The following ADCK1 variants were observed in gnomAD, a reference collection of about 807,000 sequenced individuals.
ADCK1 encodes aarF domain-containing protein kinase 1.
Under a neutral mutation model 52.3 loss-of-function variants are expected in ADCK1, and 41 were observed. The ratio of observed to expected loss-of-function variants is 0.78; its 90% CI spans 0.61 to 1.02. The LOEUF (loss-of-function observed/expected upper bound fraction) is 1.02, where lower values mean the gene tolerates loss of function less well. Among genes scored for constraint, ADCK1 ranks in the 50% least tolerant of loss-of-function variants. ADCK1 has a pLI of 0.00. For missense variants in ADCK1, 658 were observed against 679.5 expected (o/e 0.97, Z 0.35); for synonymous variants, 250 against 274.6 (o/e 0.91, Z 0.89).
chr14:77,820,639 CGTGTGTGTGTGTGTGTGT>C (rs10549011), intron 2 of ADCK1, among the ~76,000 whole-genome samples: 4 of 148,822 alleles, frequency 2.7e-5, no homozygotes, highest in Non-Finnish European at 4.5e-5. Flanking sequence ...GCCAATTTTA[CGTGTGTGTGTGTGTGTGT>C]GTGTGTGTGT....
intron 5 of ADCK1, among the ~76,000 whole-genome samples, chr14:77,898,229 A>G (rs2083453012): frequency 1.3e-5 from 2 of 152,356 alleles, no homozygotes; most frequent in South Asian, 4.1e-4. Context: ...ACGCCACTGC[A>G]TTCCAGTCTG....
intron 9 of ADCK1, among the ~76,000 whole-genome samples, chr14:77,930,858 G>A (rs111426273): frequency 0.028 from 4,219 of 152,224 alleles, 76 homozygotes; most frequent in African/African-American, 0.045. Context: ...TTTGCTGGGG[G>A]CATTTATCTG....
chr14:77,845,074 A>G (rs1001374667), intron 3 of ADCK1, among the ~76,000 whole-genome samples: 1 of 152,264 alleles, frequency 6.6e-6, no homozygotes, highest in African/African-American at 2.4e-5. Flanking sequence ...TGATTTGTTC[A>G]GGATTGCATA....
At chr14:77,852,681 A>ATATATATATTATATATATATATAT (rs2082320738) in intron 3 of ADCK1, among the ~76,000 whole-genome samples, 18 of 80,974 alleles carry the variant, frequency 2.2e-4, no homozygotes, top group Admixed American at 8.9e-4. Flanking sequence ...ATATATATAT[A>ATATATATATTATATATATATATAT]TATATATATA....
intron 7 of ADCK1, among the ~76,000 whole-genome samples, chr14:77,912,742 A>C (rs2083824064): frequency 6.6e-6 from 1 of 152,090 alleles, no homozygotes; most frequent in African/African-American, 2.4e-5. Context: ...TGGCTGTAGA[A>C]GGGACCCCTC....
chr14:77,803,518 C>T (rs1038181793), intron 1 of ADCK1, among the ~76,000 whole-genome samples: 6 of 152,156 alleles, frequency 3.9e-5, no homozygotes, highest in Admixed American at 6.5e-5. Flanking sequence ...CCCATTTGTA[C>T]GTCCCAGACT....
chr14:77,859,270 G>A lies in ADCK1; in HGVS notation c.414G>A (p.Leu138=). 1.9e-6 allele frequency: 3 copies of A among 1,613,336 alleles called. No homozygotes were observed. The highest frequency in any genetic ancestry group is 2.5e-6 in the Non-Finnish European group (3 of 1,179,716). ...QEIRQVIRED[L]GKEIHDLFQS... The stretch of plus-strand genomic sequence containing the variant: ...TCCGCCAGGTCATCCGAGAAGATCT[G>A]GGCAAGGAGGTACCCACCTTTGCAG... The change falls in exon 4 of 11, where the codon CTG becomes CTA. Residue 138 remains leucine, a synonymous_variant. Coordinates refer to ENST00000238561, the MANE Select transcript of ADCK1 (RefSeq NM_020421.4).
At chr14:77,904,120 G>A (rs574383651) in intron 6 of ADCK1, among the ~76,000 whole-genome samples, 115 of 152,224 alleles carry the variant, frequency 7.6e-4, no homozygotes, top group African/African-American at 2.6e-3. Context: ...CCAGTGAACC[G>A]TCTAGAGCAT....
At chr14:77,911,673 G>A (rs1203167380) in intron 7 of ADCK1, among the ~76,000 whole-genome samples, 1 of 152,010 alleles carries the variant, frequency 6.6e-6, no homozygotes, top group Non-Finnish European at 1.5e-5. Flanking sequence ...ATGATAGTGA[G>A]ATGAATGTTG....
At chr14:77,842,892 C>CTTTCT (rs2082104850) in intron 3 of ADCK1, among the ~76,000 whole-genome samples, 1 of 122,660 alleles carries the variant, frequency 8.2e-6, no homozygotes, top group African/African-American at 2.9e-5. Context: ...TTCTTTCTTT[C>CTTTCT]TTTTTTTTTT....
Position 77,899,141 on chromosome 14 carries a change from G to A in ADCK1, c.624G>A (p.Glu208=), listed in dbSNP as rs2083474181. 4 of 1,614,198 alleles carry A rather than the reference G, an allele frequency of 2.5e-6. No homozygotes were observed. The highest frequency in any genetic ancestry group is 3.4e-6 in the Non-Finnish European group (4 of 1,180,040). ...LAVKQLFPEF[E]FMWLVDEAKK... ...TGAAGCAGCTGTTCCCAGAGTTTGA[G>A]TTTATGTGGCTTGTGGATGAAGCCA... The change falls in exon 6 of 11, where the codon GAG becomes GAA. Residue 208 remains glutamate (E), a synonymous_variant. Transcript: ENST00000238561.
chr14:77,825,092 A>T (rs925467358), intron 3 of ADCK1, among the ~76,000 whole-genome samples: 1 of 152,178 alleles, frequency 6.6e-6, no homozygotes, highest in African/African-American at 2.4e-5. Flanking sequence ...TCTTCCAGAG[A>T]TGTCTTCCTA....
chr14:77,817,407 G>A lies in ADCK1; in HGVS notation c.-11-1561G>A, dbSNP rs1451440156. On this transcript the variant is annotated intron_variant, in intron 1 of 10. Coordinates refer to ENST00000238561, the MANE Select transcript of ADCK1 (RefSeq NM_020421.4). Reference sequence around the variant, plus strand: ...CCTGCAAGTGGCTTGGTGGCGTGCTGCTGCTCTCGTGTGGCACTTCTCTCC... The same window carrying A: ...CCTGCAAGTGGCTTGGTGGCGTGCTACTGCTCTCGTGTGGCACTTCTCTCC... Among the ~76,000 whole-genome samples the A allele has an allele frequency of 2.0e-5, 3 of 152,306 alleles. No homozygotes were observed. The East Asian group carries it at 5.8e-4, about 29-fold the overall frequency.
chr14:77,872,804 A>G (rs2082813250), intron 4 of ADCK1, among the ~76,000 whole-genome samples: 1 of 151,626 alleles, frequency 6.6e-6, no homozygotes, highest in Non-Finnish European at 1.5e-5. Flanking sequence ...CCTCTTGAGT[A>G]GCTGGGATTA....
At chr14:77,894,596 G>A (rs1366201105) in intron 5 of ADCK1, among the ~76,000 whole-genome samples, 1 of 152,072 alleles carries the variant, frequency 6.6e-6, no homozygotes, top group Non-Finnish European at 1.5e-5. Context: ...GCAAGAAAAG[G>A]ATTAAATGAA....
At chr14:77,892,638 GA>G (rs11439066) in intron 5 of ADCK1, among the ~76,000 whole-genome samples, 265 of 126,450 alleles carry the variant, frequency 2.1e-3, no homozygotes, top group East Asian at 4.7e-3. Context: ...TTCTTTATCA[GA>G]AAAAAAAAAA....
At chr14:77,925,726 ACGAGG>A (rs2084174063) in intron 8 of ADCK1, 33 bp from the exon 9 acceptor site, 3 of 1,602,764 alleles carry the variant, frequency 1.9e-6, no homozygotes, top group Non-Finnish European at 2.6e-6. Context: ...TGGTGGGGAG[ACGAGG>A]CTTAGGTCCC....
At chr14:77,926,027 G>C in intron 9 of ADCK1, 66 bp downstream of exon 9, 2 of 1,587,274 alleles carry the variant, frequency 1.3e-6, no homozygotes, top group Non-Finnish European at 1.7e-6. Flanking sequence ...GTGGCCTGTG[G>C]ACCCCTTCCA....
chr14:77,845,043 C>A (rs2082148660), intron 3 of ADCK1, among the ~76,000 whole-genome samples: 1 of 152,240 alleles, frequency 6.6e-6, no homozygotes, highest in Non-Finnish European at 1.5e-5. Context: ...TACAGATGAG[C>A]TGAGGCCCAA....
Sources: gnomAD v4.1 joint callset for allele counts (sites outside exome capture counted in the v4.1 genomes callset) on GRCh38, gnomAD v4.1.1 for gene constraint, MANE v1.5 for transcripts, NCBI Gene and HGNC (gene_info 2026-07-23, HGNC 2026-07-21) for gene names.